The following MARCHF10 variants were observed in gnomAD, a reference collection of about 807,000 sequenced individuals.
The protein encoded by MARCHF10 is probable E3 ubiquitin-protein ligase MARCHF10.
MARCHF10 carries 64 observed loss-of-function variants against 76.2 expected under a neutral mutation model. The ratio of observed to expected loss-of-function variants is 0.84; its 90% confidence interval spans 0.69 to 1.03. The LOEUF is 1.03. Among genes scored for constraint, MARCHF10 ranks in the 50% least tolerant of loss-of-function variants. The pLI, the probability that MARCHF10 is intolerant of heterozygous loss-of-function variation, is 0.00. For missense variants in MARCHF10, 875 were observed against 958.0 expected, an observed-to-expected ratio of 0.91 and a Z score of 1.14; for synonymous variants, 340 against 357.5, an observed-to-expected ratio of 0.95 and a Z score of 0.55.
intron 2 of MARCHF10, among the ~76,000 whole-genome samples, chr17:62,795,826 C>G (rs773251574): frequency 1.3e-5 from 2 of 152,090 alleles, no homozygotes; most frequent in African/African-American, 2.4e-5. Context: ...TGGGGAATCC[C>G]TGGTCACACT....
intron 9 of MARCHF10, among the ~76,000 whole-genome samples, chr17:62,707,783 G>C (rs573109494): frequency 1.7e-4 from 26 of 152,220 alleles, no homozygotes; most frequent in Non-Finnish European, 3.2e-4. Flanking sequence ...TCTAGGAAAG[G>C]AGTGTCTTAA....
Position 62,711,147 on chromosome 17 carries a change from C to G in MARCHF10, c.2328+84G>C. On this transcript the variant is annotated intron_variant, in intron 9 of 10. Coordinates refer to ENST00000311269, the MANE Select transcript of MARCHF10 (RefSeq NM_152598.4). This position sits in a 1 kb window ranked among gnomAD's most constrained non-coding sequence, Gnocchi z 4.4. The stretch of plus-strand genomic sequence containing the variant: ...TATCCTCCCAAGCGACCGTGAGGAC[C>G]TCAACAGCTTGCACATCTAATAAAC... 3.5e-6 allele frequency: 4 copies of G among 1,131,974 alleles called. No individual in the cohort carries two copies. In the South Asian group the frequency reaches 5.0e-5, roughly 14 times the overall value. The allele number at this position is 1,131,974 out of a possible 1,614,324, so 70.1% of individuals were successfully genotyped here.
At chr17:62,747,244 A>C (rs1264982014) in intron 4 of MARCHF10, among the ~76,000 whole-genome samples, 1 of 152,214 alleles carries the variant, frequency 6.6e-6, no homozygotes, top group Non-Finnish European at 1.5e-5. Flanking sequence ...GAACTTCAAA[A>C]CTAGAACACA....
intron 3 of MARCHF10, among the ~76,000 whole-genome samples, chr17:62,769,686 T>C (rs1358489586): frequency 6.6e-6 from 1 of 152,218 alleles, no homozygotes; most frequent in Admixed American, 6.5e-5. Flanking sequence ...AGTGCTGGGA[T>C]TGTAGGCGTC....
rs1468578899 is a variant in MARCHF10, at chr17:62,738,354, T to G, written c.536-1022A>C. Among the ~76,000 whole-genome samples the G allele has an allele frequency of 6.6e-6, 1 of 152,152 alleles. No homozygotes were observed. Among genetic ancestry groups the G allele is most frequent in the Non-Finnish European group, 1.5e-5 (1 of 68,028 alleles). ...TGAGAATCCATTGAATTCATCGTGG[T>G]GTGTGTGTGCTGTTGAGGGTCTTTT... On this transcript the variant is annotated intron_variant, in intron 5 of 10. Transcript: ENST00000311269. The surrounding 1 kb of genome is among the most constrained non-coding windows in gnomAD (Gnocchi z 4.0).
intron 1 of MARCHF10, among the ~76,000 whole-genome samples, chr17:62,802,354 G>A (rs1370254221): frequency 6.6e-6 from 1 of 152,038 alleles, no homozygotes; most frequent in Non-Finnish European, 1.5e-5. Context: ...CTAGTAGCTG[G>A]GATTACAGGC....
rs1297730058 is a variant in MARCHF10 at position 62,738,915 on chromosome 17, G to C, written c.536-1583C>G. Among the ~76,000 whole-genome samples the C allele has an allele frequency of 1.3e-5, 2 of 152,340 alleles. No homozygotes were observed. The highest frequency in any genetic ancestry group is 6.5e-5 in the Admixed American group (1 of 15,304). ...GCTGTGGAACTACAGCGCTGGAGCT[G>C]GTGGCGAGGCCACTCCAGACTGGGC... is the stretch of plus-strand genomic sequence containing the variant. On this transcript the variant is annotated intron_variant, in intron 5 of 10. Transcript: ENST00000311269. The surrounding 1 kb of genome is among the most constrained non-coding windows in gnomAD (Gnocchi z 4.0).
intron 1 of MARCHF10, among the ~76,000 whole-genome samples, chr17:62,802,539 G>A (rs900967929): frequency 4.6e-5 from 7 of 152,098 alleles, no homozygotes; most frequent in Non-Finnish European, 8.8e-5. Context: ...TATAATCCAG[G>A]GTGCGAGACT....
chr17:62,756,347 G>A (rs1231862797), intron 4 of MARCHF10, among the ~76,000 whole-genome samples: 1 of 151,540 alleles, frequency 6.6e-6, no homozygotes, highest in Non-Finnish European at 1.5e-5. Flanking sequence ...TTGGGAGGCC[G>A]GGGTCAGAGG....
intron 3 of MARCHF10, among the ~76,000 whole-genome samples, chr17:62,773,641 C>T (rs543769892): frequency 1.3e-5 from 2 of 152,156 alleles, no homozygotes; most frequent in Admixed American, 6.5e-5. Flanking sequence ...CCCAGGCTCA[C>T]GGGATCCCAG....
At chr17:62,758,888 C>T (rs985121870) in intron 4 of MARCHF10, among the ~76,000 whole-genome samples, 1 of 152,194 alleles carries the variant, frequency 6.6e-6, no homozygotes, top group Non-Finnish European at 1.5e-5. Flanking sequence ...ACCTCAGTTC[C>T]TGGAGGAATC....
chr17:62,799,669 C>T (rs1421031122), intron 2 of MARCHF10, among the ~76,000 whole-genome samples: 1 of 151,996 alleles, frequency 6.6e-6, no homozygotes, highest in Non-Finnish European at 1.5e-5. Context: ...TCGCTTGAAC[C>T]CAGGAGGCAG....
chr17:62,749,638 A>G (rs762922530), intron 4 of MARCHF10, among the ~76,000 whole-genome samples: 5 of 152,230 alleles, frequency 3.3e-5, no homozygotes, highest in Non-Finnish European at 2.9e-5. Context: ...TCTTAATTAA[A>G]GCTTAATTAT....
chr17:62,776,541 C>T (rs777991892), intron 3 of MARCHF10, among the ~76,000 whole-genome samples: 2 of 152,208 alleles, frequency 1.3e-5, no homozygotes, highest in African/African-American at 4.8e-5. Context: ...AGAAATTAAG[C>T]GCTGCTGGCT....
Position 62,744,471 on chromosome 17 carries a change from G to A in MARCHF10, c.440C>T (p.Thr147Ile), listed in dbSNP as rs2147862421. The A allele has an allele frequency of 1.2e-6, 2 of 1,614,186 alleles. No homozygotes were observed. Among genetic ancestry groups the A allele is most frequent in the African/African-American group, 2.7e-5 (2 of 75,054 alleles). The change falls in exon 5 of 11, where the codon ACA becomes ATA. Residue 147 changes from threonine to isoleucine, a missense_variant. Thr to Ile is a moderately conservative substitution (Grantham distance 89). Coordinates refer to ENST00000311269, the MANE Select transcript of MARCHF10 (RefSeq NM_152598.4). Reference protein sequence around the residue: ...RKRKPNLRRFTVSPESHSPRA... With the variant: ...RKRKPNLRRFIVSPESHSPRA... The stretch of plus-strand genomic sequence containing the variant: ...CGGGCTGTGCGATTCTGGGCTGACT[G>A]TAAATCTCCTCAGGTTTGGCTTCCT...
At chr17:62,746,460 A>AG (rs2091705849) in intron 4 of MARCHF10, among the ~76,000 whole-genome samples, 1 of 108,598 alleles carries the variant, frequency 9.2e-6, no homozygotes, top group African/African-American at 2.7e-5. Context: ...AGTGAGAGAC[A>AG]GAAAGACAGA....
chr17:62,738,478 T>C lies in MARCHF10; in HGVS notation c.536-1146A>G, dbSNP rs950974904. Among the ~76,000 whole-genome samples, 1 of 152,188 alleles carries C rather than the reference T, an allele frequency of 6.6e-6. No homozygotes were observed. The highest frequency in any genetic ancestry group is 1.5e-5 in the Non-Finnish European group (1 of 68,032). Reference sequence around the variant, plus strand: ...CCTCCCCCCGCTTTGTTCTCCTCTCTGCTATTGTGTGGGATCTGATGAGAT... The same window carrying C: ...CCTCCCCCCGCTTTGTTCTCCTCTCCGCTATTGTGTGGGATCTGATGAGAT... On this transcript the variant is annotated intron_variant, in intron 5 of 10. Transcript: ENST00000311269. The surrounding 1 kb of genome is among the most constrained non-coding windows in gnomAD (Gnocchi z 4.0).
At chr17:62,771,864 ACCAC>A (rs1275843269) in intron 3 of MARCHF10, among the ~76,000 whole-genome samples, 1 of 152,170 alleles carries the variant, frequency 6.6e-6, no homozygotes, top group East Asian at 1.9e-4. Flanking sequence ...GGCGCAAGCC[ACCAC>A]CCCCAGCCTG....
At chr17:62,797,259 G>A (rs866372809) in intron 2 of MARCHF10, among the ~76,000 whole-genome samples, 11 of 152,232 alleles carry the variant, frequency 7.2e-5, no homozygotes, top group Middle Eastern at 3.4e-3. Context: ...GGCTGGAGTA[G>A]AGTGGCACTA....
Sources: gnomAD v4.1 joint callset for allele counts (sites outside exome capture counted in the v4.1 genomes callset) on GRCh38, gnomAD v4.1.1 for gene constraint, Gnocchi (gnomAD v3.1) non-coding constraint, MANE v1.5 for transcripts, NCBI Gene and HGNC (gene_info 2026-07-23, HGNC 2026-07-21) for gene names.